The following GLG1 variants were observed in gnomAD, a reference collection of about 807,000 sequenced individuals.
The protein encoded by GLG1 is golgi glycoprotein 1.
In GLG1, 38 loss-of-function variants were observed where a neutral mutation model predicts 160.5. The observed-to-expected ratio is 0.24, with a 90% CI of 0.18 to 0.31. The LOEUF (loss-of-function observed/expected upper bound fraction) is 0.31. GLG1 is among the 10% of genes least tolerant of loss of function. The pLI, the probability that GLG1 is intolerant of heterozygous loss-of-function variation, is 1.00. For missense variants in GLG1, 1,373 were observed against 1,505.2 expected, an observed-to-expected ratio of 0.91 and a Z score of 1.45; for synonymous variants, 644 against 543.4, an observed-to-expected ratio of 1.19 and a Z score of -2.57.
rs367549926 is a variant in GLG1, at chr16:74,598,238, T to C, written c.438+8419A>G. Among the ~76,000 whole-genome samples the C allele has an allele frequency of 4.5e-4, 69 of 152,062 alleles. No homozygotes were observed. In the South Asian group the frequency reaches 0.012, roughly 26 times the overall value. On this transcript the variant is annotated intron_variant, in intron 1 of 25. Coordinates refer to ENST00000422840, the MANE Select transcript of GLG1 (RefSeq NM_001145667.2). ...TAAATGTTTGCTGAAAGAAGAAAAA[T>C]TGGTCGGGCGCGGTGGCTCACGCCT...
intron 1 of GLG1, among the ~76,000 whole-genome samples, chr16:74,568,137 C>T (rs139859416): frequency 2.6e-5 from 4 of 152,198 alleles, no homozygotes; most frequent in African/African-American, 4.8e-5. Flanking sequence ...CTTGCCACAA[C>T]GTGGAGACTG....
intron 1 of GLG1, among the ~76,000 whole-genome samples, chr16:74,600,167 T>C (rs975963086): frequency 6.6e-6 from 1 of 152,228 alleles, no homozygotes; most frequent in African/African-American, 2.4e-5. Context: ...TTTATAGTCA[T>C]ATATTTAGTT....
At chr16:74,461,867 C>A in intron 22 of GLG1, 1 of 443,256 alleles carries the variant, frequency 2.3e-6, no homozygotes. Flanking sequence ...GAAAGAACAC[C>A]CTTGTTCAAC....
chr16:74,452,465 G>C lies in GLG1; in HGVS notation c.*702C>G. ...AAGGCTCATGCTTTGCTTCAATGAA[G>C]CGAGGAGACCACAGAAATACCCATG... On this transcript the variant is annotated 3_prime_UTR_variant, in exon 26 of 26. Coordinates refer to ENST00000422840, the MANE Select transcript of GLG1 (RefSeq NM_001145667.2). 4 of 1,080,834 alleles carry C rather than the reference G, an allele frequency of 3.7e-6. No homozygotes were observed. The highest frequency in any genetic ancestry group is 4.5e-6 in the Non-Finnish European group (4 of 884,938). The allele number at this position is 1,080,834 out of a possible 1,614,324, so 67.0% of individuals were successfully genotyped here. A position where few individuals can be genotyped will look rare whatever the true frequency, so the allele number is the denominator to read the frequency against.
chr16:74,509,868 T>G (rs2016745818), intron 2 of GLG1, among the ~76,000 whole-genome samples: 1 of 151,248 alleles, frequency 6.6e-6, no homozygotes, highest in African/African-American at 2.4e-5. Context: ...AAAAAAAATT[T>G]GTAGAGATGG....
intron 2 of GLG1, 59 bp downstream of exon 2, chr16:74,532,062 G>A (rs537726551): frequency 2.0e-5 from 14 of 700,646 alleles, no homozygotes; most frequent in African/African-American, 7.4e-5. Flanking sequence ...AGAGCATCCC[G>A]AAATCTGTCA....
chr16:74,482,132 G>A (rs1392587109), intron 10 of GLG1, among the ~76,000 whole-genome samples: 1 of 152,022 alleles, frequency 6.6e-6, no homozygotes, highest in Non-Finnish European at 1.5e-5. Context: ...TAGGACTACA[G>A]GTGCACACTA....
At chr16:74,468,667 C>G in intron 17 of GLG1, 2 of 386,682 alleles carry the variant, frequency 5.2e-6, no homozygotes, top group Non-Finnish European at 9.7e-6. Flanking sequence ...GCACCCAGCC[C>G]CTGAGGACAT....
At chr16:74,604,665 CTTCT>C (rs1184357429) in intron 1 of GLG1, among the ~76,000 whole-genome samples, 17 of 152,168 alleles carry the variant, frequency 1.1e-4, no homozygotes, top group African/African-American at 3.9e-4. Context: ...AACTAGTTTA[CTTCT>C]TTAAGTTATG....
chr16:74,568,661 G>A (rs1261313460), intron 1 of GLG1, among the ~76,000 whole-genome samples: 3 of 151,688 alleles, frequency 2.0e-5, no homozygotes, highest in African/African-American at 4.8e-5. Flanking sequence ...CAGGTGATCC[G>A]CCCACCTCGG....
intron 7 of GLG1, among the ~76,000 whole-genome samples, chr16:74,492,638 G>A (rs937752481): frequency 7.3e-5 from 11 of 151,678 alleles, no homozygotes; most frequent in Non-Finnish European, 2.9e-5. Context: ...GACCAACATG[G>A]TGAAACCCCA....
chr16:74,531,866 G>A (rs1597316659), intron 2 of GLG1, among the ~76,000 whole-genome samples: 1 of 152,318 alleles, frequency 6.6e-6, no homozygotes, highest in Non-Finnish European at 1.5e-5. Flanking sequence ...AACTTGATAA[G>A]CAGAGAATTA....
chr16:74,492,845 ATACTC>A, intron 7 of GLG1, 107 bp downstream of exon 7: 1 of 547,626 alleles, frequency 1.8e-6, no homozygotes. Context: ...AAAAAGAAAA[ATACTC>A]AAAGAAGCAA....
intron 1 of GLG1, among the ~76,000 whole-genome samples, chr16:74,568,417 GC>G (rs1427493480): frequency 4.4e-5 from 5 of 112,790 alleles, no homozygotes; most frequent in Non-Finnish European, 8.4e-5. Context: ...TAATTTTACT[GC>G]TTTTTTTTTT....
chr16:74,529,809 GTTCT>G (rs2017469794), intron 2 of GLG1, among the ~76,000 whole-genome samples: 1 of 104,104 alleles, frequency 9.6e-6, no homozygotes, highest in Non-Finnish European at 1.8e-5. Flanking sequence ...CTCTTTGAGA[GTTCT>G]TTTTTTTTTT....
chr16:74,503,508 G>A (rs754328963), intron 4 of GLG1, 23 bp downstream of exon 4: 37 of 1,481,246 alleles, frequency 2.5e-5, no homozygotes, highest in Non-Finnish European at 3.5e-5. Context: ...CCCCTTTGTT[G>A]AAGCTAACGT....
At chr16:74,591,598 A>T (rs1958187183) in intron 1 of GLG1, among the ~76,000 whole-genome samples, 1 of 152,132 alleles carries the variant, frequency 6.6e-6, no homozygotes, top group Non-Finnish European at 1.5e-5. Context: ...ACTGCACTCC[A>T]GCCTGGGAGA....
chr16:74,493,328 G>T (rs1304472941), intron 6 of GLG1, among the ~76,000 whole-genome samples, 188 bp from the exon 7 acceptor site: 5 of 152,184 alleles, frequency 3.3e-5, no homozygotes, highest in Non-Finnish European at 7.3e-5. Flanking sequence ...ATGAGACAGG[G>T]GTAAGTGGGT....
At chr16:74,456,091 T>C (rs1175857255) in intron 25 of GLG1, among the ~76,000 whole-genome samples, 1 of 152,188 alleles carries the variant, frequency 6.6e-6, no homozygotes, top group East Asian at 1.9e-4. Flanking sequence ...AATATGTATT[T>C]TTCTCCTAAA....
Sources: gnomAD v4.1 joint callset for allele counts (sites outside exome capture counted in the v4.1 genomes callset) on GRCh38, gnomAD v4.1.1 for gene constraint, MANE v1.5 for transcripts, NCBI Gene and HGNC (gene_info 2026-07-23, HGNC 2026-07-21) for gene names.